The following COQ7 variants were observed in gnomAD, a reference collection of about 807,000 sequenced individuals.
The protein encoded by COQ7 is coenzyme Q7, hydroxylase.
COQ7 carries 21 observed loss-of-function variants against 25.0 expected under a neutral mutation model. The ratio of observed to expected loss-of-function variants is 0.84; its 90% CI spans 0.60 to 1.21. The LOEUF (loss-of-function observed/expected upper bound fraction) is 1.21, where lower values mean the gene tolerates loss of function less well. Among genes scored for constraint, COQ7 ranks in the 50% most tolerant of loss-of-function variants. COQ7 has a pLI of 0.00. For missense variants in COQ7, 311 were observed against 296.2 expected, an observed-to-expected ratio of 1.05 and a Z score of -0.37; for synonymous variants, 125 against 112.4, an observed-to-expected ratio of 1.11 and a Z score of -0.71.
chr16:19,078,301 TAAACTCTGCAG>T lies in COQ7; in HGVS notation c.*144_*154del. ...ATTATAAGGTTTGTTTTTTTTTTTT[TAAACTCTGCAG>T]TGTTGATTTTTCTCTGGGTTGTTTT... On this transcript the variant is annotated 3_prime_UTR_variant, in exon 6 of 6. Coordinates refer to ENST00000321998, the MANE Select transcript of COQ7 (RefSeq NM_016138.5). 3.3e-6 allele frequency: 2 copies of T among 608,190 alleles called. No individual in the cohort carries two copies. Among genetic ancestry groups the T allele is most frequent in the Non-Finnish European group, 5.1e-6 (2 of 391,958 alleles). The allele number at this position is 608,190 out of a possible 1,614,324, so 37.7% of individuals were successfully genotyped here.
chr16:19,071,819 A>C (rs1217890605), intron 1 of COQ7, 109 bp from the exon 2 acceptor site: 10 of 1,223,042 alleles, frequency 8.2e-6, no homozygotes, highest in Non-Finnish European at 1.2e-5. Context: ...CGCCTGGCCC[A>C]TGGGGAACTG....
At position 19,079,804 on chromosome 16, in the gene COQ7, C is replaced by G. The variant is rs1465934843; in HGVS notation, c.*1646C>G. 1 of 152,198 alleles carries G rather than the reference C, an allele frequency of 6.6e-6. No homozygotes were observed. The highest frequency in any genetic ancestry group is 6.5e-5 in the Admixed American group (1 of 15,276). The allele number at this position is 152,198 out of a possible 1,614,324, so 9.4% of individuals were successfully genotyped here. A position where few individuals can be genotyped will look rare whatever the true frequency, so the allele number is the denominator to read the frequency against. ...GTCTGGCTTTGAAGGGTAGTGGACACCAGGATCCTTTGGATTAATCCTCTG... is the reference window on the plus strand; with the variant it reads ...GTCTGGCTTTGAAGGGTAGTGGACAGCAGGATCCTTTGGATTAATCCTCTG... On this transcript the variant is annotated 3_prime_UTR_variant, in exon 6 of 6. Transcript: ENST00000321998.
intron 4 of COQ7, among the ~76,000 whole-genome samples, chr16:19,076,748 C>T (rs35064512): frequency 0.17 from 25,068 of 151,872 alleles, 2,251 homozygotes; most frequent in Admixed American, 0.21. Context: ...TGCACCACCA[C>T]GCCCAGCTAA....
intron 2 of COQ7, 130 bp from the exon 3 acceptor site, chr16:19,073,791 T>G: frequency 1.6e-6 from 1 of 636,994 alleles, no homozygotes. Context: ...CCATTGACGT[T>G]TTGAGGGGAA....
chr16:19,068,331 T>C, intron 1 of COQ7: 1 of 990,318 alleles, frequency 1.0e-6, no homozygotes, highest in African/African-American at 1.7e-5. Flanking sequence ...GTTCCTGCTT[T>C]CCTTGTTTCA....
rs1596836903 is a variant in COQ7 at position 19,078,261 on chromosome 16, G to T, written c.*103G>T. ...TTATCGTTGTACTTTTGTACAATGT[G>T]AATTTTGTTAATAAATTATAAGGTT... On this transcript the variant is annotated 3_prime_UTR_variant, in exon 6 of 6. Transcript: ENST00000321998. The T allele has an allele frequency of 6.7e-6, 5 of 751,464 alleles. No individual in the cohort carries two copies. Among genetic ancestry groups the T allele is most frequent in the Non-Finnish European group, 8.0e-6 (4 of 502,888 alleles). 46.5% of individuals were successfully genotyped at this position (751,464 alleles called of 1,614,324 possible).
At chr16:19,069,158 G>A (rs1231552503) in intron 1 of COQ7, among the ~76,000 whole-genome samples, 1 of 152,108 alleles carries the variant, frequency 6.6e-6, no homozygotes, top group African/African-American at 2.4e-5. Context: ...TGGACATAAA[G>A]TGATGCATTT....
rs143091032 is a variant in COQ7, at chr16:19,075,767, C to G, written c.414C>G (p.Thr138=). 4 of 1,609,202 alleles carry G rather than the reference C, an allele frequency of 2.5e-6. No homozygotes were observed. The African/African-American group carries it at 5.3e-5, about 22-fold the overall frequency. The change falls in exon 4 of 6, where the codon ACC becomes ACG. Residue 138 remains threonine, a synonymous_variant. Transcript: ENST00000321998. The part of the protein sequence containing the change: ...LLGKEGAMAC[T]VAVEESIAHH... ...GGAAGGAAGGTGCCATGGCCTGCAC[C>G]GTGGCGGTGGAAGAGAGCATAGCAC...
intron 3 of COQ7, among the ~76,000 whole-genome samples, chr16:19,074,550 A>C (rs1303697759): frequency 2.6e-5 from 4 of 151,896 alleles, no homozygotes; most frequent in Non-Finnish European, 4.4e-5. Flanking sequence ...CAAAACAAAA[A>C]AAAACAAACC....
chr16:19,070,210 C>T (rs1962484352), intron 1 of COQ7, among the ~76,000 whole-genome samples: 1 of 152,174 alleles, frequency 6.6e-6, no homozygotes, highest in Non-Finnish European at 1.5e-5. Context: ...GTGACATTTA[C>T]AACCCCATCT....
chr16:19,081,858 C>A (rs1361388628), downstream of COQ7, among the ~76,000 whole-genome samples: 2 of 152,070 alleles, frequency 1.3e-5, no homozygotes, highest in African/African-American at 4.8e-5. Flanking sequence ...CCTACTTATT[C>A]TGTGAACCAA....
rs1162320362 is a variant in COQ7 at position 19,079,210 on chromosome 16, G to A, written c.*1052G>A. 3 of 152,248 alleles carry A rather than the reference G, an allele frequency of 2.0e-5. No individual in the cohort carries two copies. In the East Asian group the frequency reaches 5.8e-4, roughly 29 times the overall value. 9.4% of individuals were successfully genotyped at this position (152,248 alleles called of 1,614,324 possible). On this transcript the variant is annotated 3_prime_UTR_variant, in exon 6 of 6. Transcript: ENST00000321998. ...AAAATCAGCCAGCACTTTGATCACGGACTTCCCAGCCTCTAGGACTGTGAG... is the reference window on the plus strand; with the variant it reads ...AAAATCAGCCAGCACTTTGATCACGAACTTCCCAGCCTCTAGGACTGTGAG...
intron 2 of COQ7, among the ~76,000 whole-genome samples, chr16:19,073,588 A>T (rs944344616): frequency 6.6e-6 from 1 of 152,362 alleles, no homozygotes; most frequent in African/African-American, 2.4e-5. Flanking sequence ...CTGATTTTGA[A>T]ATGGGTTAAA....
In COQ7 at chr16:19,078,217, C is replaced by T. The variant is rs1211338977; in HGVS notation, c.*59C>T. ...ATAGTAATTTACCAAGTGACATTTG[C>T]AGAGAAACAGGTGTACAGTTATCGT... On this transcript the variant is annotated 3_prime_UTR_variant, in exon 6 of 6. Transcript: ENST00000321998. The T allele has an allele frequency of 3.9e-6, 5 of 1,286,982 alleles. No individual in the cohort carries two copies. In the African/African-American group the frequency reaches 5.9e-5, roughly 15 times the overall value. 79.7% of individuals were successfully genotyped at this position (1,286,982 alleles called of 1,614,324 possible). A position where few individuals can be genotyped will look rare whatever the true frequency, so the allele number is the denominator to read the frequency against.
Position 19,073,963 on chromosome 16 carries a change from G to A in COQ7, c.295G>A (p.Glu99Lys). Residue 99 changes from glutamate (E) to lysine (K), a missense_variant, in exon 3 of 6, where the codon GAG becomes AAG. Transcript: ENST00000321998. ...QEKDHLKKFN[E>K]LMVTFRVRPT... is the part of the protein sequence containing the mutation. ...AAAGGACCATTTGAAAAAGTTCAAT[G>A]AGTTGATGGTTACGTTCAGGGTCCG... 6.2e-7 allele frequency: 1 copy of A among 1,613,884 alleles called. No individual in the cohort carries two copies. Among genetic ancestry groups the A allele is most frequent in the Non-Finnish European group, 8.5e-7 (1 of 1,179,964 alleles).
At chr16:19,075,013 T>C (rs1015873981) in intron 3 of COQ7, among the ~76,000 whole-genome samples, 22 of 152,226 alleles carry the variant, frequency 1.4e-4, no homozygotes, top group Admixed American at 1.4e-3. Context: ...AGATCAAAGA[T>C]ATACTCACCC....
intron 3 of COQ7, among the ~76,000 whole-genome samples, chr16:19,075,007 C>T (rs1962758901): frequency 6.6e-6 from 1 of 152,010 alleles, no homozygotes; most frequent in Admixed American, 6.6e-5. Context: ...TATAAAAGAT[C>T]AAAGATATAC....
Position 19,067,681 on chromosome 16 carries a change from C to G in COQ7, c.17C>G (p.Ala6Gly). 6.2e-7 allele frequency: 1 copy of G among 1,610,468 alleles called. No homozygotes were observed. Among genetic ancestry groups the G allele is most frequent in the Non-Finnish European group, 8.5e-7 (1 of 1,178,470 alleles). MSCAG[A>G]AAAPRLWRLR... ...GTTCCGGCAATGAGTTGCGCCGGGG[C>G]GGCGGCGGCTCCCCGCCTTTGGCGG... is the stretch of plus-strand genomic sequence containing the variant. The change falls in exon 1 of 6, where the codon GCG becomes GGG. Residue 6 changes from alanine to glycine, a missense_variant. Coordinates refer to ENST00000321998, the MANE Select transcript of COQ7 (RefSeq NM_016138.5).
At chr16:19,068,064 C>T (rs558840212) in intron 1 of COQ7, 2 of 1,199,108 alleles carry the variant, frequency 1.7e-6, no homozygotes, top group Non-Finnish European at 2.1e-6. Context: ...TTCAGCGTCT[C>T]CGGGAGTCTC....
Sources: allele counts gnomAD v4.1 joint callset (sites outside exome capture counted in the v4.1 genomes callset), GRCh38; gene constraint gnomAD v4.1.1; transcripts MANE v1.5; gene names NCBI Gene and HGNC (gene_info 2026-07-23, HGNC 2026-07-21).